Variants in ANK3 observed in about 807,000 individuals in gnomAD.
The protein encoded by ANK3 is ankyrin 3, also known as ankyrin-3.
A neutral mutation model predicts 370.9 loss-of-function variants in ANK3; 57 were observed. The observed-to-expected ratio is 0.15, with a 90% confidence interval of 0.12 to 0.19. The LOEUF (loss-of-function observed/expected upper bound fraction) is 0.19. Among genes scored for constraint, ANK3 ranks in the 10% least tolerant of loss-of-function variants. ANK3 has a pLI of 1.00. For missense variants in ANK3, 4,439 were observed against 5,302.1 expected (o/e 0.84, Z 5.06); for synonymous variants, 1,929 against 1,946.3 (o/e 0.99, Z 0.23).
At chr10:60,586,989 C>A (rs72637062) in intron 2 of ANK3, among the ~76,000 whole-genome samples, 30,981 of 152,018 alleles carry the variant, frequency 0.2, 3,589 homozygotes, top group East Asian at 0.37. Context: ...ACAGAAATAT[C>A]CAAGACTGGG....
chr10:60,347,252 C>A (rs1169325679), intron 1 of ANK3, among the ~76,000 whole-genome samples: 1 of 151,816 alleles, frequency 6.6e-6, no homozygotes, highest in African/African-American at 2.4e-5. Flanking sequence ...CTTTACCAAA[C>A]CCCCCTAGTC....
At chr10:60,662,055 A>C (rs568834355) in intron 1 of ANK3, among the ~76,000 whole-genome samples, 1 of 152,336 alleles carries the variant, frequency 6.6e-6, no homozygotes, top group Admixed American at 6.5e-5. Flanking sequence ...TTTAAATTAG[A>C]TCAGTTAGAA....
intron 1 of ANK3, among the ~76,000 whole-genome samples, chr10:60,341,292 C>T (rs1354971938): frequency 6.6e-6 from 1 of 152,102 alleles, no homozygotes. Flanking sequence ...ATTAGTCATG[C>T]TCTACTTTAT....
chr10:60,181,910 G>A (rs978852963), intron 17 of ANK3, among the ~76,000 whole-genome samples: 1 of 152,144 alleles, frequency 6.6e-6, no homozygotes, highest in African/African-American at 2.4e-5. Flanking sequence ...TGTAAGAAAT[G>A]GAGTGAGCCT....
chr10:60,351,351 A>T (rs1429836338), intron 1 of ANK3, among the ~76,000 whole-genome samples: 1 of 152,150 alleles, frequency 6.6e-6, no homozygotes, highest in Non-Finnish European at 1.5e-5. Context: ...TCTACCCCCA[A>T]ATCTGCCCAT....
At chr10:60,085,796 A>G (rs1234334147) in intron 30 of ANK3, among the ~76,000 whole-genome samples, 1 of 152,064 alleles carries the variant, frequency 6.6e-6, no homozygotes. Context: ...TTGTATTTTT[A>G]GTAGAGACGG....
At chr10:60,366,368 A>T (rs573342514) in intron 1 of ANK3, among the ~76,000 whole-genome samples, 29 of 152,212 alleles carry the variant, frequency 1.9e-4, no homozygotes, top group African/African-American at 6.3e-4. Context: ...TGTACTTACA[A>T]ATTCTTTGTT....
chr10:60,696,859 C>T (rs2079463422), intron 1 of ANK3, among the ~76,000 whole-genome samples: 3 of 144,080 alleles, frequency 2.1e-5, no homozygotes, highest in Non-Finnish European at 4.5e-5. Flanking sequence ...GGGATGTCCT[C>T]TCTCACCACT....
At chr10:60,600,565 TTC>T (rs1397971013) in intron 2 of ANK3, among the ~76,000 whole-genome samples, 1 of 152,176 alleles carries the variant, frequency 6.6e-6, no homozygotes, top group African/African-American at 2.4e-5. Flanking sequence ...AATGTGTTTA[TTC>T]TCTGTGTCTC....
chr10:60,147,657 G>A (rs1393696080), intron 23 of ANK3, among the ~76,000 whole-genome samples: 3 of 152,072 alleles, frequency 2.0e-5, no homozygotes, highest in Non-Finnish European at 1.5e-5. Context: ...GTGAGTGAGT[G>A]AGTTATCATG....
intron 1 of ANK3, among the ~76,000 whole-genome samples, chr10:60,653,653 G>C (rs1007469145): frequency 2.0e-5 from 3 of 152,096 alleles, no homozygotes; most frequent in Admixed American, 2.0e-4. Context: ...GAGGATCCCT[G>C]AGCCAAGAGC....
At chr10:60,182,104 G>T (rs1356307717) in intron 17 of ANK3, among the ~76,000 whole-genome samples, 1 of 148,704 alleles carries the variant, frequency 6.7e-6, no homozygotes, top group African/African-American at 2.5e-5. Context: ...ACAAAATTAT[G>T]CAAGAGTTTT....
At chr10:60,440,789 C>A (rs759821631) in intron 2 of ANK3, among the ~76,000 whole-genome samples, 1 of 152,056 alleles carries the variant, frequency 6.6e-6, no homozygotes, top group African/African-American at 2.4e-5. Flanking sequence ...AAGAGACTTA[C>A]GTAACAAAAG....
chr10:60,249,755 T>TA (rs1322103758), intron 7 of ANK3, among the ~76,000 whole-genome samples: 3 of 152,184 alleles, frequency 2.0e-5, no homozygotes, highest in Non-Finnish European at 4.4e-5. Flanking sequence ...AGACCCCAGC[T>TA]ACCATCAGTG....
chr10:60,530,792 C>T (rs979682812), intron 2 of ANK3, among the ~76,000 whole-genome samples: 7 of 152,004 alleles, frequency 4.6e-5, no homozygotes, highest in Non-Finnish European at 1.0e-4. Flanking sequence ...TTCTCAGAGC[C>T]GGATGCTGTT....
rs543907340 is a variant in ANK3, at chr10:60,066,440, C to T, written c.12319+1495G>A. 1.2e-4 allele frequency among the ~76,000 whole-genome samples: 18 copies of T among 152,220 alleles called. 2 individuals carry two copies. The South Asian group carries it at 3.7e-3, about 32-fold the overall frequency. On this transcript the variant is annotated intron_variant, in intron 38 of 43. Coordinates refer to ENST00000280772, the MANE Select transcript of ANK3 (RefSeq NM_020987.5). ...AAGTTGATATTAGTAAATATGTATA[C>T]ATAATAAATTACTGTTAACTCTCAA... is the stretch of plus-strand genomic sequence containing the variant.
intron 8 of ANK3, 55 bp from the exon 9 acceptor site, chr10:60,213,565 C>A (rs2096889241): frequency 2.4e-5 from 29 of 1,187,498 alleles, no homozygotes; most frequent in Non-Finnish European, 3.4e-5. Flanking sequence ...TCTATGAGTG[C>A]AGTGTACTTC....
In ANK3 at chr10:60,070,037, C is replaced by T; in HGVS notation, c.10844G>A (p.Gly3615Asp). The stretch of plus-strand genomic sequence containing the variant: ...ATCCCTCTTGCTCATGTCAATTGCA[C>T]CACTGCGAGTCATCTCAAACATTTT... ...EGKMFEMTRSGAIDMSKRDFV... is the reference protein window; with the variant it reads ...EGKMFEMTRSDAIDMSKRDFV... Residue 3615 changes from glycine (G) to aspartate (D), a missense_variant, in exon 37 of 44, where the codon GGT becomes GAT. This residue lies in a region of ANK3 where 3 missense variants were observed against 31.4 expected (regional missense o/e 0.10). Coordinates refer to ENST00000280772, the MANE Select transcript of ANK3 (RefSeq NM_020987.5). The surrounding 1 kb of genome is among the most constrained non-coding windows in gnomAD (Gnocchi z 5.7). 6.2e-7 allele frequency: 1 copy of T among 1,614,138 alleles called. No individual in the cohort carries two copies. Among genetic ancestry groups the T allele is most frequent in the Non-Finnish European group, 8.5e-7 (1 of 1,180,004 alleles).
At chr10:60,501,794 T>C (rs2075806389) in intron 2 of ANK3, among the ~76,000 whole-genome samples, 1 of 151,330 alleles carries the variant, frequency 6.6e-6, no homozygotes, top group East Asian at 1.9e-4. Context: ...GGTAACATAG[T>C]GAGACCCCAA....
Sources: allele counts gnomAD v4.1 joint callset (sites outside exome capture counted in the v4.1 genomes callset), GRCh38; gene constraint gnomAD v4.1.1; regional missense constraint gnomAD v4.1.1; non-coding constraint Gnocchi (gnomAD v3.1); transcripts MANE v1.5; gene names NCBI Gene and HGNC (gene_info 2026-07-23, HGNC 2026-07-21).